NUDCD1: variants seen among roughly 807,000 people sequenced by gnomAD.
NUDCD1 encodes the protein nudC domain-containing protein 1.
A neutral mutation model predicts 67.8 loss-of-function variants in NUDCD1; 60 were observed. That is an observed-to-expected ratio of 0.88 (90% CI 0.72 to 1.10). NUDCD1 has a LOEUF of 1.10. Among genes scored for constraint, NUDCD1 ranks in the 50% least tolerant of loss-of-function variants. The probability of loss-of-function intolerance (pLI) is 0.00; values close to 1 mark genes in which losing one functional copy is unlikely to be tolerated. For missense variants in NUDCD1, 643 were observed against 695.0 expected, an observed-to-expected ratio of 0.93 and a Z score of 0.84; for synonymous variants, 244 against 230.8, an observed-to-expected ratio of 1.06 and a Z score of -0.52.
chr8:109,311,040 TCCTGA>T (rs1365699051), intron 2 of NUDCD1, among the ~76,000 whole-genome samples: 1 of 151,784 alleles, frequency 6.6e-6, no homozygotes, highest in African/African-American at 2.4e-5. Context: ...GGTCTCAATC[TCCTGA>T]CCTTGTGATC....
At chr8:109,288,953 A>C (rs1464968859) in intron 5 of NUDCD1, among the ~76,000 whole-genome samples, 1 of 151,792 alleles carries the variant, frequency 6.6e-6, no homozygotes, top group African/African-American at 2.4e-5. Flanking sequence ...TACAAATATA[A>C]ATTTCTTCTG....
At chr8:109,279,185 G>T (rs1298475571) in intron 6 of NUDCD1, among the ~76,000 whole-genome samples, 1 of 152,154 alleles carries the variant, frequency 6.6e-6, no homozygotes, top group African/African-American at 2.4e-5. Context: ...AACTTGATAT[G>T]AAACTGCTAA....
At chr8:109,296,616 C>T (rs1183882749) in intron 2 of NUDCD1, 47 bp from the exon 3 acceptor site, 6 of 1,235,630 alleles carry the variant, frequency 4.9e-6, no homozygotes, top group Non-Finnish European at 6.9e-6. Flanking sequence ...CTTCACTGAT[C>T]CACACACACA....
At chr8:109,332,383 A>C (rs1217133743) in intron 1 of NUDCD1, among the ~76,000 whole-genome samples, 1 of 152,206 alleles carries the variant, frequency 6.6e-6, no homozygotes, top group Non-Finnish European at 1.5e-5. Flanking sequence ...AATAAACCCC[A>C]AATGACTCTG....
chr8:109,317,915 C>T (rs1815438306), intron 2 of NUDCD1, among the ~76,000 whole-genome samples: 1 of 152,124 alleles, frequency 6.6e-6, no homozygotes, highest in South Asian at 2.1e-4. Context: ...TTGTCAGCTA[C>T]ATATTACCAT....
chr8:109,306,011 G>C (rs1252721247), intron 2 of NUDCD1, among the ~76,000 whole-genome samples: 1 of 151,978 alleles, frequency 6.6e-6, no homozygotes, highest in African/African-American at 2.4e-5. Flanking sequence ...CCTGCTTTTT[G>C]CAACAGGGCT....
chr8:109,281,132 T>C lies in NUDCD1; in HGVS notation c.864A>G (p.Thr288=), dbSNP rs1814428136. The stretch of plus-strand genomic sequence containing the variant: ...TGTCTTCTGGAAGCCGTATGGTTAC[T>C]GTCAAATCATCTTCAGTCTGTTGCC... ...YYWQQTEDDL[T]VTIRLPEDST... is the part of the protein sequence containing the mutation. The change falls in exon 6 of 10, where the codon ACA becomes ACG. Residue 288 remains threonine, a synonymous_variant. Transcript: ENST00000239690. 6 of 1,613,440 alleles carry C rather than the reference T, an allele frequency of 3.7e-6. No individual in the cohort carries two copies. Among genetic ancestry groups the C allele is most frequent in the Non-Finnish European group, 5.1e-6 (6 of 1,179,566 alleles).
intron 5 of NUDCD1, among the ~76,000 whole-genome samples, chr8:109,283,081 T>C (rs952708187): frequency 1.1e-4 from 17 of 152,024 alleles, no homozygotes; most frequent in Admixed American, 1.0e-3. Context: ...AAGGAAGAGA[T>C]AAACATCTTT....
At chr8:109,326,494 G>C (rs962196631) in intron 1 of NUDCD1, among the ~76,000 whole-genome samples, 5 of 152,112 alleles carry the variant, frequency 3.3e-5, no homozygotes, top group African/African-American at 1.2e-4. Context: ...AAAGAAGTAG[G>C]GGGCAGCGAG....
At chr8:109,284,260 C>T (rs906487513) in intron 5 of NUDCD1, among the ~76,000 whole-genome samples, 1 of 152,090 alleles carries the variant, frequency 6.6e-6, no homozygotes, top group African/African-American at 2.4e-5. Flanking sequence ...TATATATGTG[C>T]TCAACATTGG....
At chr8:109,306,510 TA>T (rs1672167871) in intron 2 of NUDCD1, among the ~76,000 whole-genome samples, 1 of 152,108 alleles carries the variant, frequency 6.6e-6, no homozygotes, top group African/African-American at 2.4e-5. Flanking sequence ...GGAATCTGTA[TA>T]TTTTTAAAAG....
Position 109,241,216 on chromosome 8 carries a change from T to C in NUDCD1, c.*1793A>G, listed in dbSNP as rs1213685036. 1 of 152,098 alleles carries C rather than the reference T, an allele frequency of 6.6e-6. No homozygotes were observed. The highest frequency in any genetic ancestry group is 1.5e-5 in the Non-Finnish European group (1 of 68,004). 9.4% of individuals were successfully genotyped at this position (152,098 alleles called of 1,614,324 possible). On this transcript the variant is annotated 3_prime_UTR_variant, in exon 10 of 10. Coordinates refer to ENST00000239690, the MANE Select transcript of NUDCD1 (RefSeq NM_032869.4). The stretch of plus-strand genomic sequence containing the variant: ...CTGAGAGCTTTCAATTCAACATTAA[T>C]CATGCAAAAAAATCACATGCACAAA...
chr8:109,274,597 T>C (rs1206477194), intron 7 of NUDCD1, among the ~76,000 whole-genome samples: 5 of 152,170 alleles, frequency 3.3e-5, no homozygotes, highest in Non-Finnish European at 7.4e-5. Flanking sequence ...AGTTTCTCTA[T>C]TTAGCCATGT....
At chr8:109,327,882 C>T (rs1258033435) in intron 1 of NUDCD1, among the ~76,000 whole-genome samples, 1 of 152,208 alleles carries the variant, frequency 6.6e-6, no homozygotes, top group Non-Finnish European at 1.5e-5. Flanking sequence ...TTGTTCTTCT[C>T]AAACTTCTTT....
chr8:109,287,209 C>T (rs1182818699), intron 5 of NUDCD1, among the ~76,000 whole-genome samples: 1 of 152,024 alleles, frequency 6.6e-6, no homozygotes, highest in Non-Finnish European at 1.5e-5. Context: ...TAATTCAGCC[C>T]CTGTGGAAAG....
intron 9 of NUDCD1, among the ~76,000 whole-genome samples, chr8:109,243,732 T>G (rs569880202): frequency 1.3e-5 from 2 of 152,188 alleles, no homozygotes; most frequent in African/African-American, 4.8e-5. Context: ...GTGTATAGGA[T>G]ACCATCATAA....
At chr8:109,263,025 A>C (rs1813902313) in intron 8 of NUDCD1, among the ~76,000 whole-genome samples, 1 of 123,670 alleles carries the variant, frequency 8.1e-6, no homozygotes, top group African/African-American at 3.1e-5. Context: ...AATGCAGTCC[A>C]GCTCGGGGGA....
rs151063382 is a variant in NUDCD1 at position 109,324,309 on chromosome 8, T to C, written c.119-1846A>G. On this transcript the variant is annotated intron_variant, in intron 1 of 9. Coordinates refer to ENST00000239690, the MANE Select transcript of NUDCD1 (RefSeq NM_032869.4). ...CAGTTACATGAAAAAATGCTCAACA[T>C]CACTAATTATTGAGGAAATGCAAAT... Among the ~76,000 whole-genome samples the C allele has an allele frequency of 1.4e-3, 210 of 151,278 alleles. 1 individual carries two copies. The highest frequency in any genetic ancestry group is 4.9e-3 in the African/African-American group (202 of 41,196).
chr8:109,328,164 C>A (rs1815720589), intron 1 of NUDCD1, among the ~76,000 whole-genome samples: 1 of 152,128 alleles, frequency 6.6e-6, no homozygotes, highest in Admixed American at 6.5e-5. Context: ...ATTAGCCCCA[C>A]CACCAATCTA....
Sources: gnomAD v4.1 joint callset for allele counts (sites outside exome capture counted in the v4.1 genomes callset) on GRCh38, gnomAD v4.1.1 for gene constraint, MANE v1.5 for transcripts, NCBI Gene and HGNC (gene_info 2026-07-23, HGNC 2026-07-21) for gene names.